The following CDH4 variants were observed in gnomAD, a reference collection of about 807,000 sequenced individuals.
CDH4 encodes cadherin-4.
A neutral mutation model predicts 86.0 loss-of-function variants in CDH4; 33 were observed. The observed-to-expected ratio is 0.38, with a 90% CI of 0.29 to 0.51. The LOEUF is 0.51. CDH4 is among the 20% of genes least tolerant of loss of function. CDH4 has a pLI of 0.86. For missense variants in CDH4, 1,114 were observed against 1,307.4 expected, an observed-to-expected ratio of 0.85 and a Z score of 2.28; for synonymous variants, 555 against 549.4, an observed-to-expected ratio of 1.01 and a Z score of -0.14.
At chr20:61,644,606 G>A (rs1240609305) in intron 2 of CDH4, among the ~76,000 whole-genome samples, 5 of 152,170 alleles carry the variant, frequency 3.3e-5, no homozygotes, top group East Asian at 1.9e-4. Context: ...GTCACGGAGC[G>A]GGCTCAGGAG....
chr20:61,724,920 G>T (rs2088091997), intron 2 of CDH4, among the ~76,000 whole-genome samples: 1 of 152,150 alleles, frequency 6.6e-6, no homozygotes, highest in East Asian at 1.9e-4. Flanking sequence ...AGACCAGCCT[G>T]GGCAACATAG....
At chr20:61,620,233 GACAGAC>G (rs2086763617) in intron 2 of CDH4, among the ~76,000 whole-genome samples, 2 of 150,372 alleles carry the variant, frequency 1.3e-5, no homozygotes, top group African/African-American at 4.9e-5. Flanking sequence ...TAGGCAGACA[GACAGAC>G]ATAGATGGGT....
chr20:61,376,166 G>A (rs1269727699), intron 2 of CDH4, among the ~76,000 whole-genome samples: 1 of 150,392 alleles, frequency 6.6e-6, no homozygotes, highest in Non-Finnish European at 1.5e-5. Context: ...AGATGGTGAT[G>A]GTGTTGCTGA....
intron 8 of CDH4, among the ~76,000 whole-genome samples, chr20:61,906,583 G>A (rs1344018375): frequency 6.6e-6 from 1 of 152,222 alleles, no homozygotes; most frequent in Non-Finnish European, 1.5e-5. Context: ...GGCTGCTTTG[G>A]GGGCAAGGCA....
intron 3 of CDH4, among the ~76,000 whole-genome samples, chr20:61,761,203 A>T (rs749417384): frequency 1.3e-5 from 2 of 152,160 alleles, no homozygotes; most frequent in African/African-American, 4.8e-5. Flanking sequence ...AAATATCCGT[A>T]CTAGGTTTGA....
intron 2 of CDH4, among the ~76,000 whole-genome samples, chr20:61,290,960 C>CT (rs952763219): frequency 5.9e-5 from 9 of 152,204 alleles, no homozygotes; most frequent in South Asian, 4.1e-4. Context: ...TTGGCTTGGC[C>CT]TTTTTTTGGC....
intron 2 of CDH4, among the ~76,000 whole-genome samples, chr20:61,601,503 G>A (rs758026231): frequency 1.6e-4 from 24 of 152,166 alleles, no homozygotes; most frequent in Non-Finnish European, 2.9e-4. Flanking sequence ...CCAACACTGC[G>A]GTGCTCCTCG....
At chr20:61,399,838 A>G (rs2085040178) in intron 2 of CDH4, among the ~76,000 whole-genome samples, 1 of 152,134 alleles carries the variant, frequency 6.6e-6, no homozygotes, top group Non-Finnish European at 1.5e-5. Context: ...GCTCGGGGAC[A>G]ATGGTGCCTT....
At chr20:61,858,925 C>A (rs763870562) in intron 6 of CDH4, among the ~76,000 whole-genome samples, 8 of 152,156 alleles carry the variant, frequency 5.3e-5, no homozygotes, top group Non-Finnish European at 1.2e-4. Context: ...AGAATGAATG[C>A]CCGAGAATGC....
At chr20:61,933,737 A>T (rs1005503538) in intron 14 of CDH4, among the ~76,000 whole-genome samples, 19 of 149,912 alleles carry the variant, frequency 1.3e-4, no homozygotes, top group African/African-American at 4.6e-4. Context: ...GCGGAGGCCC[A>T]GCTCCTGGCC....
chr20:61,333,492 A>G (rs1160040724), intron 2 of CDH4, among the ~76,000 whole-genome samples: 1 of 152,186 alleles, frequency 6.6e-6, no homozygotes, highest in Non-Finnish European at 1.5e-5. Context: ...GACCCAGCAC[A>G]GAGCTCTCAC....
At chr20:61,798,636 C>G (rs938418980) in intron 4 of CDH4, among the ~76,000 whole-genome samples, 2 of 152,214 alleles carry the variant, frequency 1.3e-5, no homozygotes, top group Non-Finnish European at 2.9e-5. Context: ...TCCTGGTGAC[C>G]AGTACTCATG....
At position 61,910,548 on chromosome 20, in the gene CDH4, G is replaced by A. The variant is rs778645751; in HGVS notation, c.1315G>A (p.Gly439Arg). The A allele has an allele frequency of 8.7e-6, 14 of 1,613,766 alleles. No individual in the cohort carries two copies. Among genetic ancestry groups the A allele is most frequent in the African/African-American group, 1.3e-5 (1 of 74,890 alleles). Residue 439 changes from glycine to arginine, a missense_variant, in exon 9 of 16, where the codon GGG (glycine) becomes AGG (arginine). Gly to Arg is a moderately radical substitution (Grantham distance 125). Transcript: ENST00000614565. ...VYRIISGDPS[G>R]HFSVRTDPVT... ...CCGCATCATCAGTGGGGATCCATCC[G>A]GGCACTTCAGCGTCCGCACAGACCC... is the stretch of plus-strand genomic sequence containing the variant.
intron 4 of CDH4, among the ~76,000 whole-genome samples, chr20:61,803,521 C>T (rs983556652): frequency 1.3e-5 from 2 of 152,196 alleles, no homozygotes; most frequent in Admixed American, 6.5e-5. Context: ...AATCTCTGCC[C>T]CTCTGAGTTC....
intron 3 of CDH4, among the ~76,000 whole-genome samples, chr20:61,755,436 C>CCA (rs143293357): frequency 3.7e-4 from 54 of 145,958 alleles, no homozygotes; most frequent in African/African-American, 1.3e-3. Flanking sequence ...ACGTCACACA[C>CCA]CACACACACA....
intron 2 of CDH4, among the ~76,000 whole-genome samples, chr20:61,295,385 C>T (rs1384817151): frequency 6.6e-6 from 1 of 152,212 alleles, no homozygotes; most frequent in Non-Finnish European, 1.5e-5. Flanking sequence ...ACCTCAGGCT[C>T]ACACCCCGCT....
chr20:61,586,460 G>A (rs888676768), intron 2 of CDH4, among the ~76,000 whole-genome samples: 4 of 152,192 alleles, frequency 2.6e-5, no homozygotes, highest in African/African-American at 9.7e-5. Context: ...CAGTTATTGT[G>A]TTTCTGTGGC....
At position 61,708,472 on chromosome 20, in the gene CDH4, G is replaced by A. The variant is rs2087856175; in HGVS notation, c.170-35091G>A. On this transcript the variant is annotated intron_variant, in intron 2 of 15. Transcript: ENST00000614565. This position sits in a 1 kb window ranked among gnomAD's most constrained non-coding sequence, Gnocchi z 4.5. ...CCTCCTGCCACAGTCAGGGGGCTAT[G>A]GAGAAACCCAATCCAGGCCCCGGGC... 1.3e-5 allele frequency among the ~76,000 whole-genome samples: 2 copies of A among 152,144 alleles called. No individual in the cohort carries two copies. Among genetic ancestry groups the A allele is most frequent in the Non-Finnish European group, 2.9e-5 (2 of 68,018 alleles).
At chr20:61,680,737 T>A (rs1375865979) in intron 2 of CDH4, among the ~76,000 whole-genome samples, 1 of 152,148 alleles carries the variant, frequency 6.6e-6, no homozygotes, top group Admixed American at 6.5e-5. Context: ...GTTGGAGCGT[T>A]GACTCTGTAG....
Sources: allele counts gnomAD v4.1 joint callset (sites outside exome capture counted in the v4.1 genomes callset), GRCh38; gene constraint gnomAD v4.1.1; non-coding constraint Gnocchi (gnomAD v3.1); transcripts MANE v1.5; gene names NCBI Gene and HGNC (gene_info 2026-07-23, HGNC 2026-07-21).